Variants in TRANK1 observed in about 807,000 individuals in gnomAD.
The protein encoded by TRANK1 is tetratricopeptide repeat and ankyrin repeat containing 1, also known as TPR and ankyrin repeat-containing protein 1.
A neutral mutation model predicts 266.0 loss-of-function variants in TRANK1; 198 were observed. That is an observed-to-expected ratio of 0.74 (90% confidence interval 0.66 to 0.84). The LOEUF (loss-of-function observed/expected upper bound fraction) is 0.84, where lower values mean the gene tolerates loss of function less well. Among genes scored for constraint, TRANK1 ranks in the 40% least tolerant of loss-of-function variants. The probability of loss-of-function intolerance (pLI) is 0.00; values close to 1 mark genes in which losing one functional copy is unlikely to be tolerated. For synonymous variants in TRANK1, 1,396 were observed against 1,384.1 expected (o/e 1.01, Z -0.19); for missense variants, 3,326 against 3,634.6 (o/e 0.92, Z 2.18).
intron 9 of TRANK1, among the ~76,000 whole-genome samples, chr3:36,870,126 C>T (rs755528757): frequency 5.3e-5 from 8 of 152,186 alleles, no homozygotes; most frequent in African/African-American, 1.2e-4. Flanking sequence ...TCTACTGCTG[C>T]GCCAGGAGTG....
Position 36,843,583 on chromosome 3 carries a change from C to T in TRANK1, c.5192-873G>A, listed in dbSNP as rs2078877162. Among the ~76,000 whole-genome samples, 3 of 151,930 alleles carry T rather than the reference C, an allele frequency of 2.0e-5. No individual in the cohort carries two copies. In the South Asian group the frequency reaches 6.3e-4, roughly 32 times the overall value. On this transcript the variant is annotated intron_variant, in intron 17 of 23. Coordinates refer to ENST00000645898, the MANE Select transcript of TRANK1 (RefSeq NM_001329998.2). The stretch of plus-strand genomic sequence containing the variant: ...ACTATTTCAGCACTGCACCCCACCC[C>T]CACCCTGCCACCTGCATCCCCCAGA...
chr3:36,908,956 C>T (rs2080013311), intron 1 of TRANK1, among the ~76,000 whole-genome samples: 2 of 152,154 alleles, frequency 1.3e-5, no homozygotes, highest in Non-Finnish European at 2.9e-5. Flanking sequence ...ACCACTGTAC[C>T]ACATCACGTA....
Position 36,857,544 on chromosome 3 carries a change from G to A in TRANK1, c.2178C>T (p.Cys726=). ...CCTGCATAAGGCAGTCTCTCAGCGA[G>A]CAGGGCCTGAGAGCTCCAGGCTCCT... is the stretch of plus-strand genomic sequence containing the variant. The part of the protein sequence containing the change: ...TRKEPGALRP[C]SLRDCLMQDI... Residue 726 remains cysteine, a synonymous_variant, in exon 13 of 24, where the codon TGC becomes TGT. Coordinates refer to ENST00000645898, the MANE Select transcript of TRANK1 (RefSeq NM_001329998.2). The surrounding 1 kb of genome is among the most constrained non-coding windows in gnomAD (Gnocchi z 4.3). 1 of 1,614,054 alleles carries A rather than the reference G, an allele frequency of 6.2e-7. No homozygotes were observed. Among genetic ancestry groups the A allele is most frequent in the South Asian group, 1.1e-5 (1 of 91,086 alleles).
At chr3:36,861,927 G>A (rs145644228) in intron 10 of TRANK1, among the ~76,000 whole-genome samples, 5 of 151,826 alleles carry the variant, frequency 3.3e-5, no homozygotes, top group Admixed American at 6.6e-5. Context: ...GGATGGTCTC[G>A]ATCTCCTGAC....
chr3:36,845,067 A>C (rs74587936), intron 17 of TRANK1, among the ~76,000 whole-genome samples: 1 of 149,900 alleles, frequency 6.7e-6, no homozygotes, highest in African/African-American at 2.4e-5. Context: ...TTAAAAAAAA[A>C]CCCTGCAAAT....
intron 1 of TRANK1, among the ~76,000 whole-genome samples, chr3:36,936,947 C>T (rs2080433296): frequency 6.6e-6 from 1 of 151,920 alleles, no homozygotes; most frequent in African/African-American, 2.4e-5. Flanking sequence ...ACTAAAAATA[C>T]AAAAATTAGC....
At chr3:36,842,316 A>G (rs933150590) in intron 18 of TRANK1, among the ~76,000 whole-genome samples, 1 of 152,280 alleles carries the variant, frequency 6.6e-6, no homozygotes, top group Admixed American at 6.5e-5. Flanking sequence ...TTTTAGGCAT[A>G]GAGTACAGGA....
intron 11 of TRANK1, among the ~76,000 whole-genome samples, chr3:36,859,420 A>AC (rs896469799): frequency 6.7e-6 from 1 of 150,134 alleles, no homozygotes; most frequent in African/African-American, 2.5e-5. Flanking sequence ...CCCTCCGCTA[A>AC]CCCCCCACCT....
Position 36,831,587 on chromosome 3 carries a change from C to T in TRANK1, c.7996G>A (p.Glu2666Lys). The T allele has an allele frequency of 6.2e-7, 1 of 1,613,726 alleles. No individual in the cohort carries two copies. The highest frequency in any genetic ancestry group is 1.3e-5 in the African/African-American group (1 of 75,040). ...AGCAGGCGGTTTAGTCTGACCTCCT[C>T]ATAATAGAGGCCACGGACTATGGAC... ...KGSIVRGLYY[E>K]EVRLNRLLCL... is the part of the protein sequence containing the mutation. Residue 2666 changes from glutamate to lysine, a missense_variant, in exon 22 of 24, where the codon GAG (glutamate) becomes AAG (lysine). Coordinates refer to ENST00000645898, the MANE Select transcript of TRANK1 (RefSeq NM_001329998.2). The surrounding 1 kb of genome is among the most constrained non-coding windows in gnomAD (Gnocchi z 5.0).
At chr3:36,843,652 A>T (rs901009247) in intron 17 of TRANK1, among the ~76,000 whole-genome samples, 6 of 148,576 alleles carry the variant, frequency 4.0e-5, no homozygotes, top group African/African-American at 1.5e-4. Context: ...GTTCTGAGCC[A>T]CAGATTCATG....
chr3:36,915,042 C>A (rs2080105972), intron 1 of TRANK1, among the ~76,000 whole-genome samples: 1 of 152,190 alleles, frequency 6.6e-6, no homozygotes, highest in South Asian at 2.1e-4. Context: ...AGCTCCGCCT[C>A]CCGGGTTCAC....
chr3:36,874,948 A>G (rs553760441), intron 8 of TRANK1, among the ~76,000 whole-genome samples: 2 of 151,910 alleles, frequency 1.3e-5, no homozygotes, highest in Non-Finnish European at 2.9e-5. Flanking sequence ...TCCAAATTCC[A>G]TATGTAAGCT....
At chr3:36,914,159 A>T (rs953193025) in intron 1 of TRANK1, among the ~76,000 whole-genome samples, 2 of 151,388 alleles carry the variant, frequency 1.3e-5, no homozygotes, top group Non-Finnish European at 2.9e-5. Flanking sequence ...TTTGAGACTG[A>T]GTCTCACTCT....
intron 9 of TRANK1, among the ~76,000 whole-genome samples, chr3:36,865,862 G>A (rs1254074339): frequency 6.6e-6 from 1 of 151,978 alleles, no homozygotes; most frequent in East Asian, 1.9e-4. Context: ...CCAGGAGGTT[G>A]AGGCGGCAAT....
intron 1 of TRANK1, among the ~76,000 whole-genome samples, chr3:36,917,700 T>C (rs1326708535): frequency 1.3e-5 from 2 of 152,206 alleles, no homozygotes; most frequent in Non-Finnish European, 2.9e-5. Context: ...TCTGTATGTA[T>C]TAATCTGGAG....
chr3:36,857,579 C>A lies in TRANK1; in HGVS notation c.2143G>T (p.Val715Leu). The change falls in exon 13 of 24, where the codon GTG (valine) becomes TTG (leucine). Residue 715 changes from valine to leucine, a missense_variant. Physicochemically the swap from Val to Leu is conservative, Grantham distance 32. Coordinates refer to ENST00000645898, the MANE Select transcript of TRANK1 (RefSeq NM_001329998.2). This position sits in a 1 kb window ranked among gnomAD's most constrained non-coding sequence, Gnocchi z 4.3. Reference sequence around the variant, plus strand: ...AGAGCTCCAGGCTCCTTCCTGGTCACCTGGGTACCTGGGAGAGTCTCCCAG... The same window carrying A: ...AGAGCTCCAGGCTCCTTCCTGGTCAACTGGGTACCTGGGAGAGTCTCCCAG... The part of the protein sequence containing the change: ...DSWETLPGTQ[V>L]TRKEPGALRP... 6.2e-7 allele frequency: 1 copy of A among 1,614,064 alleles called. No homozygotes were observed. The highest frequency in any genetic ancestry group is 8.5e-7 in the Non-Finnish European group (1 of 1,179,896).
intron 14 of TRANK1, 40 bp from the exon 15 acceptor site, chr3:36,851,896 A>C: frequency 2.6e-6 from 4 of 1,553,592 alleles, no homozygotes; most frequent in Non-Finnish European, 3.5e-6. Flanking sequence ...TACAGAGAAA[A>C]CCCCAGTAAG....
chr3:36,847,426 A>G (rs1437458463), intron 15 of TRANK1, 80 bp from the exon 16 acceptor site: 7 of 1,506,898 alleles, frequency 4.6e-6, no homozygotes, highest in Admixed American at 4.0e-5. Flanking sequence ...TTCATGGAAA[A>G]CTAAGCCTCA....
intron 9 of TRANK1, among the ~76,000 whole-genome samples, chr3:36,866,532 G>A (rs13062304): frequency 0.13 from 20,527 of 152,162 alleles, 1,621 homozygotes; most frequent in Middle Eastern, 0.25. Context: ...ACAGAGGGTG[G>A]TCTCAGCCTG....
Sources: gnomAD v4.1 joint callset for allele counts (sites outside exome capture counted in the v4.1 genomes callset) on GRCh38, gnomAD v4.1.1 for gene constraint, Gnocchi (gnomAD v3.1) non-coding constraint, MANE v1.5 for transcripts, NCBI Gene and HGNC (gene_info 2026-07-23, HGNC 2026-07-21) for gene names.